C2CD3: variants seen among roughly 807,000 people sequenced by gnomAD.
C2CD3 encodes C2 domain containing 3 centriole elongation regulator.
In C2CD3, 148 loss-of-function variants were observed where a neutral mutation model predicts 234.0. That is an observed-to-expected ratio of 0.63 (90% CI 0.55 to 0.72). C2CD3 has a LOEUF of 0.72. Ranked by LOEUF, C2CD3 falls within the 30% of genes least tolerant of loss-of-function variation. C2CD3 has a pLI of 0.00. For missense variants in C2CD3, 2,577 were observed against 2,811.5 expected (o/e 0.92, Z 1.89); for synonymous variants, 1,000 against 1,035.4 (o/e 0.97, Z 0.66).
chr11:74,116,025 G>A (rs1285810838), intron 9 of C2CD3, among the ~76,000 whole-genome samples: 1 of 152,114 alleles, frequency 6.6e-6, no homozygotes, highest in Non-Finnish European at 1.5e-5. Flanking sequence ...AAAAATTCTA[G>A]AAGATAACAA....
rs139854201 is a variant in C2CD3, at chr11:74,143,093, C to T, written c.484-3265G>A. ...ATCATTCTATCACTTAAATATATCA[C>T]CCCTCTTCCAAAGCCCACGCCATCC... On this transcript the variant is annotated intron_variant, in intron 3 of 32. Transcript: ENST00000334126. Among the ~76,000 whole-genome samples the T allele has an allele frequency of 9.9e-3, 1,510 of 152,192 alleles. 20 individuals carry two copies. Among genetic ancestry groups the T allele is most frequent in the African/African-American group, 0.034 (1,424 of 41,500 alleles).
At chr11:74,071,414 T>C (rs578245144) in intron 24 of C2CD3, among the ~76,000 whole-genome samples, 1 of 152,246 alleles carries the variant, frequency 6.6e-6, no homozygotes, top group East Asian at 1.9e-4. Flanking sequence ...AGTCAGGCAC[T>C]GTGCTGAGCA....
rs1955181742 is a variant in C2CD3 at position 74,078,597 on chromosome 11, T to A, written c.4121A>T (p.Asp1374Val). 3 of 1,614,032 alleles carry A rather than the reference T, an allele frequency of 1.9e-6. No homozygotes were observed. Among genetic ancestry groups the A allele is most frequent in the South Asian group, 2.2e-5 (2 of 91,072 alleles). The change falls in exon 23 of 33, where the codon GAT (aspartate) becomes GTT (valine). Residue 1374 changes from aspartate to valine, a missense_variant. Asp to Val is a radical substitution (Grantham distance 152). Coordinates refer to ENST00000334126, the MANE Select transcript of C2CD3 (RefSeq NM_001286577.2). Reference protein sequence around the residue: ...ELSISFTHRGDRERVLEAAEH... With the variant: ...ELSISFTHRGVRERVLEAAEH... ...AGCAGCTTCCAACACCCGTTCTCTA[T>A]CTCCACGATGCGTGAAGGAAATCGA...
intron 28 of C2CD3, among the ~76,000 whole-genome samples, chr11:74,043,952 T>C (rs938150048): frequency 1.3e-5 from 2 of 152,038 alleles, no homozygotes; most frequent in Non-Finnish European, 2.9e-5. Context: ...GCCTCCTAAG[T>C]AGCTGAGACC....
chr11:74,029,815 G>A (rs1952452159), intron 31 of C2CD3, among the ~76,000 whole-genome samples: 1 of 152,196 alleles, frequency 6.6e-6, no homozygotes, highest in Non-Finnish European at 1.5e-5. Context: ...GAGTGCAGTG[G>A]CGTGATCATG....
Position 74,074,434 on chromosome 11 carries a change from A to G in C2CD3, c.4770T>C (p.Asp1590=), listed in dbSNP as rs1265780449. ...SESEQLPRRN[D]EVQLSPPEVI... ...CTTCTGGTGGAGAGAGCTGGACCTC[A>G]TCATTCCTTCTGGGGAGCTGCTCAG... is the stretch of plus-strand genomic sequence containing the variant. Residue 1590 remains aspartate (D), a synonymous_variant, in exon 24 of 33, where the codon GAT becomes GAC. Coordinates refer to ENST00000334126, the MANE Select transcript of C2CD3 (RefSeq NM_001286577.2). 1.2e-6 allele frequency: 2 copies of G among 1,614,198 alleles called. No individual in the cohort carries two copies. Among genetic ancestry groups the G allele is most frequent in the East Asian group, 2.2e-5 (1 of 44,868 alleles).
chr11:74,028,195 AAG>A (rs1565206829), intron 32 of C2CD3, 90 bp downstream of exon 32: 22 of 895,110 alleles, frequency 2.5e-5, no homozygotes, highest in Non-Finnish European at 3.6e-5. Context: ...CCTTTCCAGG[AAG>A]ATGACCTGGG....
Position 74,093,336 on chromosome 11 carries a change from T to C in C2CD3, c.3344+480A>G, listed in dbSNP as rs150257045. The stretch of plus-strand genomic sequence containing the variant: ...AATATAAATCAAATATAATAATTTA[T>C]ATATTTGTTATATATAAATTATATT... On this transcript the variant is annotated intron_variant, in intron 18 of 32. Coordinates refer to ENST00000334126, the MANE Select transcript of C2CD3 (RefSeq NM_001286577.2). Among the ~76,000 whole-genome samples the C allele has an allele frequency of 4.3e-3, 629 of 147,950 alleles. 4 individuals are homozygous for C. Among genetic ancestry groups the C allele is most frequent in the African/African-American group, 0.015 (606 of 40,854 alleles).
At chr11:74,022,128 A>G (rs975748737) in intron 32 of C2CD3, among the ~76,000 whole-genome samples, 2 of 148,926 alleles carry the variant, frequency 1.3e-5, no homozygotes, top group African/African-American at 2.5e-5. Context: ...CGTCTCGGGG[A>G]AAAAAAAAAG....
chr11:74,137,030 CT>C (rs1166676910), intron 5 of C2CD3, among the ~76,000 whole-genome samples: 367 of 138,122 alleles, frequency 2.7e-3, no homozygotes, highest in African/African-American at 3.6e-3. Flanking sequence ...TTTCTCTTTG[CT>C]TTTTTTTTTT....
chr11:74,078,405 C>A lies in C2CD3; in HGVS notation c.4313G>T (p.Arg1438Leu). Residue 1438 changes from arginine (R) to leucine (L), a missense_variant, in exon 23 of 33, where the codon CGC becomes CTC. Transcript: ENST00000334126. The stretch of plus-strand genomic sequence containing the variant: ...GGCTTCATGATCATAGAACTTGTAG[C>A]GAAGGTAGCAATATGTATTCTTATG... The part of the protein sequence containing the change: ...HIHKNTYCYL[R>L]YKFYDHEAFW... 1 of 1,614,164 alleles carries A rather than the reference C, an allele frequency of 6.2e-7. No homozygotes were observed. The highest frequency in any genetic ancestry group is 8.5e-7 in the Non-Finnish European group (1 of 1,180,034).
intron 7 of C2CD3, among the ~76,000 whole-genome samples, chr11:74,130,683 C>T (rs7952669): frequency 0.28 from 43,066 of 152,000 alleles, 7,114 homozygotes; most frequent in African/African-American, 0.46. Context: ...AAACTATCAA[C>T]TCTATTCCAT....
intron 24 of C2CD3, among the ~76,000 whole-genome samples, chr11:74,072,602 A>C (rs1954849549): frequency 6.6e-6 from 1 of 152,202 alleles, no homozygotes; most frequent in African/African-American, 2.4e-5. Flanking sequence ...AGAGAGAAAG[A>C]ATACCTTGCT....
intron 9 of C2CD3, among the ~76,000 whole-genome samples, chr11:74,116,906 GTA>G (rs199902430): frequency 1.7e-4 from 17 of 99,488 alleles, no homozygotes; most frequent in Non-Finnish European, 2.9e-4. Flanking sequence ...ATACACACGT[GTA>G]TGTATATATA....
chr11:74,170,947 C>A lies in C2CD3; in HGVS notation c.-155G>T. On this transcript the variant is annotated 5_prime_UTR_variant, in exon 1 of 33. Transcript: ENST00000334126. ...AAAAAGCGACTCTTCCTCTAACAGT[C>A]TCCGGAAAACGGTGCGAAGAGAAGG... The A allele has an allele frequency of 6.7e-7, 1 of 1,488,946 alleles. No individual in the cohort carries two copies. Among genetic ancestry groups the A allele is most frequent in the Non-Finnish European group, 8.9e-7 (1 of 1,121,652 alleles). The allele number at this position is 1,488,946 out of a possible 1,614,324, so 92.2% of individuals were successfully genotyped here.
At chr11:74,077,054 A>G (rs147687584) in intron 23 of C2CD3, among the ~76,000 whole-genome samples, 5 of 152,180 alleles carry the variant, frequency 3.3e-5, no homozygotes. Flanking sequence ...AAAAGCACCC[A>G]GCACAAAAAT....
At chr11:74,084,828 G>T in intron 22 of C2CD3, 53 bp downstream of exon 22, 1 of 1,038,744 alleles carries the variant, frequency 9.6e-7, no homozygotes, top group South Asian at 1.3e-5. Context: ...ACCTCTTGTA[G>T]GGAAGTGAAA....
chr11:74,055,331 A>G (rs1953904323), intron 25 of C2CD3, among the ~76,000 whole-genome samples: 1 of 152,210 alleles, frequency 6.6e-6, no homozygotes, highest in African/African-American at 2.4e-5. Flanking sequence ...CACACCAGAT[A>G]AAGAAGCTGA....
Position 74,037,486 on chromosome 11 carries a change from A to T in C2CD3, c.5873T>A (p.Leu1958Ter). Residue 1958 changes from leucine to a stop codon, truncating the protein, a stop_gained, in exon 30 of 33, where the codon TTA (leucine) becomes TAA (stop). Coordinates refer to ENST00000334126, the MANE Select transcript of C2CD3 (RefSeq NM_001286577.2). LOFTEE classifies it high-confidence loss of function. ...AAGGATCTGAGTCATACCTGTGATT[A>T]AGGAGCTGACTTGCAACACCAGGTT... ...SSNLVLQVSSLITDLQTITRD... is the reference protein window; with the variant it reads ...SSNLVLQVSS The T allele has an allele frequency of 6.2e-7, 1 of 1,612,740 alleles. No individual in the cohort carries two copies. The highest frequency in any genetic ancestry group is 2.2e-5 in the East Asian group (1 of 44,882).
Sources: allele counts gnomAD v4.1 joint callset (sites outside exome capture counted in the v4.1 genomes callset), GRCh38; gene constraint gnomAD v4.1.1; transcripts MANE v1.5; gene names NCBI Gene and HGNC (gene_info 2026-07-23, HGNC 2026-07-21).